ROBO2: variants seen among roughly 807,000 people sequenced by gnomAD.
The protein encoded by ROBO2 is roundabout homolog 2.
Under a neutral mutation model 160.8 loss-of-function variants are expected in ROBO2, and 53 were observed. The observed-to-expected ratio is 0.33, with a 90% CI of 0.26 to 0.41. The LOEUF is 0.41. Among genes scored for constraint, ROBO2 ranks in the 10% least tolerant of loss-of-function variants. ROBO2 has a pLI of 1.00. For synonymous variants in ROBO2, 664 were observed against 611.7 expected (o/e 1.09, Z -1.26); for missense variants, 1,577 against 1,722.4 (o/e 0.92, Z 1.49).
At chr3:77,225,883 A>G (rs1396622377) in intron 2 of ROBO2, among the ~76,000 whole-genome samples, 1 of 152,020 alleles carries the variant, frequency 6.6e-6, no homozygotes, top group Admixed American at 6.6e-5. Context: ...TGGAGATTTT[A>G]TCACAGGAAG....
chr3:76,376,337 G>A (rs1221280103), intron 2 of ROBO2, among the ~76,000 whole-genome samples: 1 of 152,088 alleles, frequency 6.6e-6, no homozygotes, highest in Non-Finnish European at 1.5e-5. Flanking sequence ...TTCACACAAT[G>A]TCATTTGTAC....
intron 2 of ROBO2, among the ~76,000 whole-genome samples, chr3:77,428,743 A>G (rs2078475901): frequency 6.6e-6 from 1 of 152,096 alleles, no homozygotes; most frequent in Non-Finnish European, 1.5e-5. Flanking sequence ...TGTTTTTGCT[A>G]TTGCTTGGCA....
intron 2 of ROBO2, among the ~76,000 whole-genome samples, chr3:77,378,118 T>C (rs1318090960): frequency 1.3e-5 from 2 of 152,174 alleles, no homozygotes. Context: ...CTATGCTTTC[T>C]AAAAAAGGTA....
Position 77,426,678 on chromosome 3 carries a change from CAGGAAGGAAGGAAGGA to C in ROBO2, c.389-50694_389-50679del, listed in dbSNP as rs142467400. 4.7e-3 allele frequency among the ~76,000 whole-genome samples: 568 copies of C among 119,956 alleles called. 3 individuals carry two copies. Among genetic ancestry groups the C allele is most frequent in the African/African-American group, 0.013 (395 of 30,870 alleles). The allele number at this position is 119,956 out of a possible 152,430, so 78.7% of individuals were successfully genotyped here. On this transcript the variant is annotated intron_variant, in intron 2 of 25. Transcript: ENST00000461745. ...AAAAGAATAGCTGATATCATTTGGT[CAGGAAGGAAGGAAGGA>C]AGGAAGGAAGGAAGGAAGGAAGGAA...
chr3:77,199,391 ACAGT>A (rs1387709541), intron 2 of ROBO2, among the ~76,000 whole-genome samples: 1 of 152,192 alleles, frequency 6.6e-6, no homozygotes, highest in Non-Finnish European at 1.5e-5. Context: ...AGGAGCAGAC[ACAGT>A]CAGCCACCAG....
chr3:76,677,107 A>G (rs2092430646), intron 2 of ROBO2, among the ~76,000 whole-genome samples: 1 of 152,128 alleles, frequency 6.6e-6, no homozygotes, highest in South Asian at 2.1e-4. Context: ...TCTAGGGTTT[A>G]TCTTTCCAAT....
At chr3:76,039,975 A>C (rs978667215) in intron 2 of ROBO2, among the ~76,000 whole-genome samples, 1 of 152,038 alleles carries the variant, frequency 6.6e-6, no homozygotes, top group Non-Finnish European at 1.5e-5. Flanking sequence ...TTGCTGTGTT[A>C]AATAATATCT....
chr3:77,036,086 C>G (rs531737967), upstream of ROBO2, among the ~76,000 whole-genome samples: 29 of 152,014 alleles, frequency 1.9e-4, no homozygotes, highest in South Asian at 2.1e-3. Context: ...TTAAATCAAT[C>G]TCAAGTTCTT....
At chr3:77,245,944 T>C (rs1185408078) in intron 2 of ROBO2, among the ~76,000 whole-genome samples, 1 of 152,224 alleles carries the variant, frequency 6.6e-6, no homozygotes, top group Non-Finnish European at 1.5e-5. Flanking sequence ...GGGTGTGTTA[T>C]TGTAATAACT....
chr3:76,590,556 G>A (rs2086350616), intron 2 of ROBO2, among the ~76,000 whole-genome samples: 1 of 152,048 alleles, frequency 6.6e-6, no homozygotes, highest in African/African-American at 2.4e-5. Flanking sequence ...ACTTTTGAAG[G>A]TGGAAGTTTG....
chr3:76,192,490 CA>C (rs1378738323), intron 2 of ROBO2, among the ~76,000 whole-genome samples: 2 of 150,084 alleles, frequency 1.3e-5, no homozygotes, highest in Non-Finnish European at 3.0e-5. Context: ...ATGAAATCTT[CA>C]GGAATTCTCT....
intron 2 of ROBO2, among the ~76,000 whole-genome samples, chr3:76,404,865 C>T (rs868546700): frequency 2.0e-5 from 3 of 151,320 alleles, no homozygotes; most frequent in Middle Eastern, 3.4e-3. Flanking sequence ...GTGAATATGG[C>T]GTATGTGAAA....
chr3:76,019,011 C>T (rs2066485907), intron 2 of ROBO2, among the ~76,000 whole-genome samples: 1 of 151,566 alleles, frequency 6.6e-6, no homozygotes, highest in South Asian at 2.1e-4. Context: ...CTTTGAAGTT[C>T]CGTGTGTATC....
chr3:77,259,903 G>A (rs531443642), intron 2 of ROBO2, among the ~76,000 whole-genome samples: 5 of 152,210 alleles, frequency 3.3e-5, no homozygotes, highest in Middle Eastern at 3.4e-3. Context: ...GTATTTTTAC[G>A]GCAGCACCAT....
intron 2 of ROBO2, among the ~76,000 whole-genome samples, chr3:76,731,779 G>A (rs2093641347): frequency 6.6e-6 from 1 of 152,170 alleles, no homozygotes; most frequent in African/African-American, 2.4e-5. Flanking sequence ...GAACATAATT[G>A]TAATGAGAGA....
chr3:76,072,669 A>T (rs542396195), intron 2 of ROBO2, among the ~76,000 whole-genome samples: 37 of 152,270 alleles, frequency 2.4e-4, no homozygotes, highest in African/African-American at 8.7e-4. Context: ...ATCATATATT[A>T]TTCTTTAAAG....
chr3:76,634,586 A>G (rs79100618), intron 2 of ROBO2, among the ~76,000 whole-genome samples: 49,074 of 150,978 alleles, frequency 0.33, 8,769 homozygotes, highest in South Asian at 0.45. Flanking sequence ...AAAAAAAAAA[A>G]GGACATCAGT....
intron 2 of ROBO2, among the ~76,000 whole-genome samples, chr3:77,421,540 GA>G (rs1404140607): frequency 6.6e-6 from 1 of 152,068 alleles, no homozygotes; most frequent in East Asian, 1.9e-4. Flanking sequence ...AATAAGTAGA[GA>G]AAAAGCCCAC....
chr3:76,275,176 T>A (rs563304853), intron 2 of ROBO2, among the ~76,000 whole-genome samples: 1 of 152,288 alleles, frequency 6.6e-6, no homozygotes, highest in South Asian at 2.1e-4. Flanking sequence ...TTCAATAATA[T>A]CAGGTGAATT....
Sources: gnomAD v4.1 joint callset for allele counts (sites outside exome capture counted in the v4.1 genomes callset) on GRCh38, gnomAD v4.1.1 for gene constraint, MANE v1.5 for transcripts, NCBI Gene and HGNC (gene_info 2026-07-23, HGNC 2026-07-21) for gene names.